The following CTPS2 variants were observed in gnomAD, a reference collection of about 807,000 sequenced individuals.
The protein encoded by CTPS2 is CTP synthase 2.
Under a neutral mutation model 46.8 loss-of-function variants are expected in CTPS2, and 19 were observed. That is an observed-to-expected ratio of 0.41 (90% CI 0.28 to 0.60). CTPS2 has a LOEUF of 0.60. Ranked by LOEUF, CTPS2 falls within the 20% of genes least tolerant of loss-of-function variation. The pLI, the probability that CTPS2 is intolerant of heterozygous loss-of-function variation, is 0.35. For missense variants in CTPS2, 286 were observed against 447.6 expected, an observed-to-expected ratio of 0.64 and a Z score of 3.26; for synonymous variants, 151 against 165.2, an observed-to-expected ratio of 0.91 and a Z score of 0.66.
At chrX:16,599,783 C>A (rs992147874) in intron 17 of CTPS2, among the ~76,000 whole-genome samples, 16 of 106,474 alleles carry the variant, frequency 1.5e-4, no homozygotes, top group South Asian at 4.2e-4. Flanking sequence ...GCACCCCCCC[C>A]CTTTTTTTTT....
chrX:16,641,367 T>C (rs1316141066), intron 13 of CTPS2, among the ~76,000 whole-genome samples: 1 of 112,429 alleles, frequency 8.9e-6, no homozygotes. Context: ...GAAGAGTCTT[T>C]ACATGTAGTT....
rs531228194 is a variant in CTPS2, at chrX:16,704,046, C to T, written c.-39-1105G>A. On this transcript the variant is annotated intron_variant, in intron 1 of 18. Coordinates refer to ENST00000359276, the MANE Select transcript of CTPS2 (RefSeq NM_175859.3). The stretch of plus-strand genomic sequence containing the variant: ...CTCCACCTCCCCGGTCCAAATGATT[C>T]TCATGCCTCAGCCTCCCAAGTAGCT... 1.4e-4 allele frequency among the ~76,000 whole-genome samples: 15 copies of T among 108,444 alleles called. No homozygotes were observed. In the South Asian group the frequency reaches 5.3e-3, roughly 38 times the overall value. 94.2% of individuals were successfully genotyped at this position (108,444 alleles called of 115,157 possible).
Position 16,651,347 on chromosome X carries a change from C to G in CTPS2, c.1297-12104G>C, listed in dbSNP as rs144980512. ...CCAAGCCTTCTATCCCTCCTGCAGCCTCAGCACAGGACTCTGCAGGACTAG... is the reference window on the plus strand; with the variant it reads ...CCAAGCCTTCTATCCCTCCTGCAGCGTCAGCACAGGACTCTGCAGGACTAG... On this transcript the variant is annotated intron_variant, in intron 13 of 18. Coordinates refer to ENST00000359276, the MANE Select transcript of CTPS2 (RefSeq NM_175859.3). Among the ~76,000 whole-genome samples, 70 of 111,714 alleles carry G rather than the reference C, an allele frequency of 6.3e-4. No individual in the cohort carries two copies. The East Asian group carries it at 0.016, about 25-fold the overall frequency.
chrX:16,608,890 C>T (rs2147184836), intron 17 of CTPS2, among the ~76,000 whole-genome samples: 1 of 111,108 alleles, frequency 9.0e-6, no homozygotes, highest in African/African-American at 3.3e-5. Flanking sequence ...TAGATTTAAA[C>T]TATGAAATTG....
At chrX:16,705,302 G>C (rs1190107797) in intron 1 of CTPS2, among the ~76,000 whole-genome samples, 1 of 112,338 alleles carries the variant, frequency 8.9e-6, no homozygotes, top group African/African-American at 3.2e-5. Context: ...GACTGACTGA[G>C]TCCTGTTACA....
chrX:16,693,266 T>A, intron 5 of CTPS2, 42 bp from the exon 6 acceptor site: 1 of 1,092,717 alleles, frequency 9.2e-7, no homozygotes, highest in Non-Finnish European at 1.3e-6. Context: ...GGACACTAGC[T>A]CCTATGGATG....
chrX:16,708,676 C>T, intron 1 of CTPS2, among the ~76,000 whole-genome samples: 1 of 110,913 alleles, frequency 9.0e-6, no homozygotes, highest in Non-Finnish European at 1.9e-5. Context: ...ACCTTTCCTG[C>T]AGGATTAAGG....
chrX:16,697,405 G>A (rs1924201009), intron 4 of CTPS2, among the ~76,000 whole-genome samples: 1 of 101,741 alleles, frequency 9.8e-6, no homozygotes, highest in Non-Finnish European at 2.0e-5. Flanking sequence ...GGTGAAGGAA[G>A]TAAACAAGTG....
intron 4 of CTPS2, among the ~76,000 whole-genome samples, chrX:16,695,607 A>G (rs1924065953): frequency 9.1e-6 from 1 of 110,193 alleles, no homozygotes; most frequent in Non-Finnish European, 1.9e-5. Flanking sequence ...GCTGGAGTGC[A>G]ATGGCGCGAT....
In CTPS2 at chrX:16,661,993, C is replaced by CATATATATAT. The variant is rs5901592; in HGVS notation, c.1296+5511_1296+5520dup. On this transcript the variant is annotated intron_variant, in intron 13 of 18. Transcript: ENST00000359276. The stretch of plus-strand genomic sequence containing the variant: ...ACACATTAGATTGAGATTGTTCATT[C>CATATATATAT]ATATATATATATATATATATGCCTC... 5.9e-3 allele frequency among the ~76,000 whole-genome samples: 502 copies of CATATATATAT among 85,334 alleles called. 4 individuals carry two copies. The highest frequency in any genetic ancestry group is 0.019 in the African/African-American group (476 of 24,597). The allele number at this position is 85,334 out of a possible 115,157, so 74.1% of individuals were successfully genotyped here.
intron 13 of CTPS2, chrX:16,651,251 C>A: frequency 1.4e-6 from 1 of 725,987 alleles, no homozygotes; most frequent in Non-Finnish European, 2.0e-6. Context: ...TGAGGGAGGA[C>A]ACATGCAGGT....
At chrX:16,675,428 T>C (rs895630409) in intron 10 of CTPS2, among the ~76,000 whole-genome samples, 1 of 112,220 alleles carries the variant, frequency 8.9e-6, no homozygotes, top group East Asian at 2.8e-4. Flanking sequence ...TTGGTATATT[T>C]GGTATAAAAA....
At chrX:16,689,325 TATCC>T in intron 8 of CTPS2, 121 bp downstream of exon 8, 1 of 605,487 alleles carries the variant, frequency 1.7e-6, no homozygotes, top group Non-Finnish European at 2.6e-6. Context: ...TCTTTAGACA[TATCC>T]AGACCAAAAT....
chrX:16,712,180 G>A (rs903183028), intron 1 of CTPS2, 155 bp downstream of exon 1: 5 of 112,359 alleles, frequency 4.5e-5, no homozygotes, highest in African/African-American at 1.6e-4. Flanking sequence ...ACTCAGCGCT[G>A]GGCAGGGAGC....
At chrX:16,596,748 A>G (rs371093043) in intron 17 of CTPS2, among the ~76,000 whole-genome samples, 1 of 105,545 alleles carries the variant, frequency 9.5e-6, no homozygotes, top group Admixed American at 1.0e-4. Context: ...TTCTAGTTCT[A>G]GATCCCTGAG....
chrX:16,686,093 C>T (rs1350246603), intron 8 of CTPS2, among the ~76,000 whole-genome samples: 2 of 110,951 alleles, frequency 1.8e-5, no homozygotes, highest in Non-Finnish European at 3.8e-5. Context: ...ATGGACACTT[C>T]GCATCAATTA....
At chrX:16,702,080 A>G (rs1461594159) in intron 2 of CTPS2, among the ~76,000 whole-genome samples, 1 of 110,712 alleles carries the variant, frequency 9.0e-6, no homozygotes, top group East Asian at 2.9e-4. Context: ...TTTGAGACAG[A>G]GTCTCGCTCT....
At chrX:16,678,285 A>G in intron 10 of CTPS2, 77 bp downstream of exon 10, 1 of 671,148 alleles carries the variant, frequency 1.5e-6, no homozygotes, top group Non-Finnish European at 2.4e-6. Flanking sequence ...AAAATTAGCA[A>G]TTAGGGTAAA....
At chrX:16,616,222 G>A (rs750140335) in intron 16 of CTPS2, among the ~76,000 whole-genome samples, 205 of 112,108 alleles carry the variant, frequency 1.8e-3, no homozygotes, top group African/African-American at 6.3e-3. Context: ...TAGTAAATGT[G>A]TAGTTTGTGC....
Sources: gnomAD v4.1 joint callset for allele counts (sites outside exome capture counted in the v4.1 genomes callset) on GRCh38, gnomAD v4.1.1 for gene constraint, MANE v1.5 for transcripts, NCBI Gene and HGNC (gene_info 2026-07-23, HGNC 2026-07-21) for gene names.